Variants in CRACDL observed in about 807,000 individuals in gnomAD.
CRACDL encodes CRACD-like protein.
CRACDL carries 26 observed loss-of-function variants against 70.6 expected under a neutral mutation model. That is an observed-to-expected ratio of 0.37 (90% CI 0.27 to 0.51). The LOEUF (loss-of-function observed/expected upper bound fraction) is 0.51, where lower values mean the gene tolerates loss of function less well. CRACDL is among the 20% of genes least tolerant of loss of function. The pLI is 0.94. For missense variants in CRACDL, 1,283 were observed against 1,376.9 expected (o/e 0.93, Z 1.08); for synonymous variants, 618 against 615.2 (o/e 1.00, Z -0.07).
intron 1 of CRACDL, among the ~76,000 whole-genome samples, chr2:98,927,324 G>A (rs1003041425): frequency 1.3e-5 from 2 of 152,242 alleles, no homozygotes; most frequent in Non-Finnish European, 2.9e-5. Context: ...GCTCTGCAGC[G>A]TCACTCTGCG....
At chr2:98,855,416 T>C (rs1390708153) in intron 1 of CRACDL, among the ~76,000 whole-genome samples, 2 of 152,062 alleles carry the variant, frequency 1.3e-5, no homozygotes, top group Non-Finnish European at 2.9e-5. Context: ...GAAATAAGGA[T>C]ATATCACGAG....
At position 98,793,944 on chromosome 2, in the gene CRACDL, C is replaced by A. The variant is rs1390975093; in HGVS notation, c.*588G>T. 6.5e-6 allele frequency: 1 copy of A among 152,694 alleles called. No individual in the cohort carries two copies. Among genetic ancestry groups the A allele is most frequent in the African/African-American group, 2.4e-5 (1 of 41,460 alleles). 9.5% of individuals were successfully genotyped at this position (152,694 alleles called of 1,614,324 possible). Reference sequence around the variant, plus strand: ...TTTAAAAATTATTTTTGGAAACAGTCTATGAATTGATGAACCCTGCCGTGT... The same window carrying A: ...TTTAAAAATTATTTTTGGAAACAGTATATGAATTGATGAACCCTGCCGTGT... On this transcript the variant is annotated 3_prime_UTR_variant, in exon 10 of 10. Coordinates refer to ENST00000397899, the MANE Select transcript of CRACDL (RefSeq NM_207362.3).
chr2:98,858,512 C>CAA (rs370742460), intron 1 of CRACDL, among the ~76,000 whole-genome samples: 2,382 of 56,112 alleles, frequency 0.042, 59 homozygotes, highest in South Asian at 0.18. Flanking sequence ...GAGACTCTGT[C>CAA]AAAAAAAAAA....
chr2:98,866,654 T>C (rs917869247), intron 1 of CRACDL, among the ~76,000 whole-genome samples: 1 of 151,182 alleles, frequency 6.6e-6, no homozygotes, highest in Admixed American at 6.6e-5. Flanking sequence ...CGCAGGCTAA[T>C]TTTTTGTATT....
chr2:98,813,689 T>A (rs1368972316), intron 7 of CRACDL, among the ~76,000 whole-genome samples: 1 of 152,226 alleles, frequency 6.6e-6, no homozygotes, highest in African/African-American at 2.4e-5. Flanking sequence ...TCTATAGTTT[T>A]CTGTATTGTC....
At chr2:98,926,512 A>G (rs978674823) in intron 1 of CRACDL, among the ~76,000 whole-genome samples, 1 of 152,198 alleles carries the variant, frequency 6.6e-6, no homozygotes, top group Non-Finnish European at 1.5e-5. Flanking sequence ...CCATGAAGCA[A>G]GCAGCTGCCC....
intron 6 of CRACDL, among the ~76,000 whole-genome samples, chr2:98,824,293 CT>C (rs1476065710): frequency 1.4e-5 from 2 of 145,126 alleles, no homozygotes; most frequent in East Asian, 4.1e-4. Context: ...CCCCACCCCC[CT>C]GCCCCCAACC....
intron 7 of CRACDL, among the ~76,000 whole-genome samples, chr2:98,812,461 C>T (rs1431700772): frequency 6.6e-6 from 1 of 152,130 alleles, no homozygotes; most frequent in Non-Finnish European, 1.5e-5. Flanking sequence ...TTCCCATTGG[C>T]CATAGAGATA....
chr2:98,849,394 C>G (rs963061292), intron 1 of CRACDL, among the ~76,000 whole-genome samples: 1 of 152,136 alleles, frequency 6.6e-6, no homozygotes, highest in Admixed American at 6.5e-5. Context: ...AAGGTGAGTG[C>G]CAGAGGTGTG....
intron 1 of CRACDL, among the ~76,000 whole-genome samples, chr2:98,852,664 G>A (rs1042583746): frequency 1.1e-4 from 16 of 152,108 alleles, no homozygotes; most frequent in Admixed American, 1.0e-3. Flanking sequence ...TCATCAAGAT[G>A]AAAACTGTAA....
chr2:98,823,168 C>T lies in CRACDL; in HGVS notation c.1105G>A (p.Gly369Arg), dbSNP rs776583129. The change falls in exon 7 of 10, where the codon GGA becomes AGA. Residue 369 changes from glycine (G) to arginine (R), a missense_variant. Coordinates refer to ENST00000397899, the MANE Select transcript of CRACDL (RefSeq NM_207362.3). This position sits in a 1 kb window ranked among gnomAD's most constrained non-coding sequence, Gnocchi z 4.0. ...GGGGGCGCCTCCCCATCCTGCTTTC[C>T]GCCGTCGGGACCGGGATTCGGGGGG... ...EGPPNPGPDG[G>R]KQDGEAPPAG... 1 of 1,533,206 alleles carries T rather than the reference C, an allele frequency of 6.5e-7. No individual in the cohort carries two copies. Among genetic ancestry groups the T allele is most frequent in the South Asian group, 1.2e-5 (1 of 82,082 alleles). 95.0% of individuals were successfully genotyped at this position (1,533,206 alleles called of 1,614,324 possible). A position where few individuals can be genotyped will look rare whatever the true frequency, so the allele number is the denominator to read the frequency against.
chr2:98,802,239 G>A (rs1458056784), intron 7 of CRACDL, among the ~76,000 whole-genome samples: 1 of 152,270 alleles, frequency 6.6e-6, no homozygotes, highest in Non-Finnish European at 1.5e-5. Flanking sequence ...GGAGGAGCCT[G>A]GCCCAAGCCA....
intron 7 of CRACDL, among the ~76,000 whole-genome samples, chr2:98,804,785 A>C (rs1051819185): frequency 6.6e-6 from 1 of 152,240 alleles, no homozygotes; most frequent in African/African-American, 2.4e-5. Flanking sequence ...AAGCATCTTT[A>C]AACAGAATTA....
At chr2:98,829,686 C>T (rs759247000) in intron 5 of CRACDL, among the ~76,000 whole-genome samples, 8 of 152,122 alleles carry the variant, frequency 5.3e-5, no homozygotes, top group Non-Finnish European at 1.0e-4. Context: ...TCAAAGGACC[C>T]AAAGGAAACA....
intron 1 of CRACDL, among the ~76,000 whole-genome samples, chr2:98,904,366 G>T (rs564784696): frequency 6.6e-6 from 1 of 152,226 alleles, no homozygotes; most frequent in Non-Finnish European, 1.5e-5. Flanking sequence ...AGCACAGGAA[G>T]TCTCTCCATG....
At chr2:98,849,959 A>G (rs1052301737) in intron 1 of CRACDL, among the ~76,000 whole-genome samples, 1 of 152,232 alleles carries the variant, frequency 6.6e-6, no homozygotes, top group Non-Finnish European at 1.5e-5. Context: ...AAATGAAACC[A>G]GGACATGGCA....
intron 1 of CRACDL, among the ~76,000 whole-genome samples, chr2:98,925,569 GC>G (rs1273978822): frequency 6.6e-6 from 1 of 152,160 alleles, no homozygotes; most frequent in African/African-American, 2.4e-5. Context: ...AGGCAGAGGG[GC>G]AAAGGCATCA....
intron 8 of CRACDL, 105 bp downstream of exon 8, chr2:98,797,245 C>A: frequency 9.4e-7 from 1 of 1,059,038 alleles, no homozygotes; most frequent in Non-Finnish European, 1.4e-6. Flanking sequence ...GTGACGGTCC[C>A]TGTGACGCCC....
At chr2:98,880,780 C>T (rs1707626925) in intron 1 of CRACDL, among the ~76,000 whole-genome samples, 2 of 152,200 alleles carry the variant, frequency 1.3e-5, no homozygotes, top group Admixed American at 1.3e-4. Flanking sequence ...CGAGGGAAGG[C>T]AGGTGTCGGG....
Sources: gnomAD v4.1 joint callset for allele counts (sites outside exome capture counted in the v4.1 genomes callset) on GRCh38, gnomAD v4.1.1 for gene constraint, Gnocchi (gnomAD v3.1) non-coding constraint, MANE v1.5 for transcripts, NCBI Gene and HGNC (gene_info 2026-07-23, HGNC 2026-07-21) for gene names.